DMTF1: variants seen among roughly 807,000 people sequenced by gnomAD.
The protein encoded by DMTF1 is cyclin-D-binding Myb-like transcription factor 1.
Under a neutral mutation model 91.1 loss-of-function variants are expected in DMTF1, and 39 were observed. The ratio of observed to expected loss-of-function variants is 0.43; its 90% confidence interval spans 0.33 to 0.56. The LOEUF (loss-of-function observed/expected upper bound fraction) is 0.56. Ranked by LOEUF, DMTF1 falls within the 20% of genes least tolerant of loss-of-function variation. The probability of loss-of-function intolerance (pLI) is 0.05; values close to 1 mark genes in which losing one functional copy is unlikely to be tolerated. For synonymous variants in DMTF1, 338 were observed against 309.5 expected, an observed-to-expected ratio of 1.09 and a Z score of -0.97; for missense variants, 750 against 914.5, an observed-to-expected ratio of 0.82 and a Z score of 2.32.
intron 1 of DMTF1, among the ~76,000 whole-genome samples, chr7:87,157,585 A>G (rs1346916023): frequency 6.6e-6 from 1 of 152,150 alleles, no homozygotes; most frequent in African/African-American, 2.4e-5. Flanking sequence ...TGATGGAAAT[A>G]CCAGTCTAAG....
In DMTF1 at chr7:87,158,716, A is replaced by G. The variant is rs148657937; in HGVS notation, c.-131-4779A>G. Reference sequence around the variant, plus strand: ...AGTACACATTTAAATTTTAGGTAATAAAAGTCAACTGGAATTTTGTACATT... The same window carrying G: ...AGTACACATTTAAATTTTAGGTAATGAAAGTCAACTGGAATTTTGTACATT... On this transcript the variant is annotated intron_variant, in intron 1 of 17. Transcript: ENST00000331242. 5.8e-3 allele frequency among the ~76,000 whole-genome samples: 889 copies of G among 152,218 alleles called. 5 individuals carry two copies. The highest frequency in any genetic ancestry group is 9.4e-3 in the Non-Finnish European group (636 of 67,926).
intron 13 of DMTF1, among the ~76,000 whole-genome samples, chr7:87,190,601 C>T (rs1254544481): frequency 6.6e-6 from 1 of 152,040 alleles, no homozygotes; most frequent in Non-Finnish European, 1.5e-5. Context: ...TATGGGCCTT[C>T]TGGTGTCTGT....
At chr7:87,194,967 A>G in intron 17 of DMTF1, 64 bp from the exon 18 acceptor site, 1 of 1,494,618 alleles carries the variant, frequency 6.7e-7, no homozygotes, top group Non-Finnish European at 9.2e-7. Context: ...AGAATACCTT[A>G]AATTCTTGAC....
At chr7:87,178,787 T>TTA (rs1440293329) in intron 7 of DMTF1, among the ~76,000 whole-genome samples, 70 of 144,212 alleles carry the variant, frequency 4.9e-4, no homozygotes, top group African/African-American at 1.7e-3. Flanking sequence ...TTTTTTTTTT[T>TTA]AAACTTTTGA....
chr7:87,172,220 C>A (rs182867696), intron 5 of DMTF1, among the ~76,000 whole-genome samples: 2 of 152,188 alleles, frequency 1.3e-5, no homozygotes, highest in East Asian at 1.9e-4. Flanking sequence ...ATATAAGAAG[C>A]CTTAGACACA....
rs936471735 is a variant in DMTF1, at chr7:87,193,236, C to T, written c.1533C>T (p.Tyr511=). The part of the protein sequence containing the change: ...HLQPTGTPGT[Y]LLQTSSSQGL... ...AGCCCACTGGCACTCCAGGCACCTACCTACTTCAAACAAGCTCAAGCCAAG... is the reference window on the plus strand; with the variant it reads ...AGCCCACTGGCACTCCAGGCACCTATCTACTTCAAACAAGCTCAAGCCAAG... Residue 511 remains tyrosine (Y), a synonymous_variant, in exon 15 of 18, where the codon TAC becomes TAT. Coordinates refer to ENST00000331242, the MANE Select transcript of DMTF1 (RefSeq NM_001142327.2). The T allele has an allele frequency of 2.5e-6, 4 of 1,613,446 alleles. No individual in the cohort carries two copies. The highest frequency in any genetic ancestry group is 2.2e-5 in the East Asian group (1 of 44,862).
chr7:87,185,506 A>G (rs1057029959), intron 11 of DMTF1, among the ~76,000 whole-genome samples: 4 of 152,254 alleles, frequency 2.6e-5, no homozygotes, highest in Admixed American at 2.0e-4. Context: ...GAAACATTGC[A>G]TATATACAAC....
rs377353585 is a variant in DMTF1, at chr7:87,184,496, C to A, written c.920C>A (p.Ala307Glu). ...GDIVTQGVSWAAVAERVGTRS... is the reference protein window; with the variant it reads ...GDIVTQGVSWEAVAERVGTRS... ...ATAGTCACACAGGGTGTGTCTTGGG[C>A]AGCTGTGGCTGAACGAGTCGGTACC... The change falls in exon 11 of 18, where the codon GCA becomes GAA. Residue 307 changes from alanine (A) to glutamate (E), a missense_variant. Transcript: ENST00000331242. The A allele has an allele frequency of 6.2e-7, 1 of 1,613,874 alleles. No individual in the cohort carries two copies. The highest frequency in any genetic ancestry group is 8.5e-7 in the Non-Finnish European group (1 of 1,179,958).
chr7:87,188,508 C>T (rs935643535), intron 13 of DMTF1, among the ~76,000 whole-genome samples: 1 of 152,074 alleles, frequency 6.6e-6, no homozygotes, highest in African/African-American at 2.4e-5. Flanking sequence ...GTTGCCCAAC[C>T]ATTATAAACC....
chr7:87,184,360 G>T (rs1460922867), intron 10 of DMTF1, 37 bp from the exon 11 acceptor site: 3 of 1,579,716 alleles, frequency 1.9e-6, no homozygotes, highest in Admixed American at 1.7e-5. Context: ...TGTAAAAGAA[G>T]TTAGCAGTGG....
chr7:87,154,044 CA>C (rs1790037448), intron 1 of DMTF1, among the ~76,000 whole-genome samples: 3 of 152,056 alleles, frequency 2.0e-5, no homozygotes, highest in Non-Finnish European at 2.9e-5. Flanking sequence ...GGCGATACAC[CA>C]AAATCTTATC....
At position 87,184,417 on chromosome 7, in the gene DMTF1, GAA is replaced by G; in HGVS notation, c.844_845del (p.Lys282GlufsTer8). ...TTCAGGGAAGTGGACAGAAGAAGAA[GAA>G]AAGAGACTTGCAGAAGTGGTTCATG... ...CNTGKWTEEE[E>X]KRLAEVVHEL... On this transcript the variant is annotated frameshift_variant, in exon 11 of 18. Transcript: ENST00000331242. LOFTEE classifies it high-confidence loss of function. 6.2e-7 allele frequency: 1 copy of G among 1,613,790 alleles called. No homozygotes were observed. Among genetic ancestry groups the G allele is most frequent in the Non-Finnish European group, 8.5e-7 (1 of 1,179,840 alleles).
At chr7:87,193,133 C>T in intron 14 of DMTF1, 65 bp from the exon 15 acceptor site, 1 of 1,555,844 alleles carries the variant, frequency 6.4e-7, no homozygotes, top group South Asian at 1.1e-5. Flanking sequence ...AAACTAAACT[C>T]AGTCCGTTTT....
chr7:87,184,682 A>AT, intron 11 of DMTF1, 57 bp downstream of exon 11: 1 of 1,476,372 alleles, frequency 6.8e-7, no homozygotes. Flanking sequence ...GGATGTCTTG[A>AT]TAGACTTTCC....
Position 87,182,285 on chromosome 7 carries a change from T to C in DMTF1, c.768T>C (p.Ser256=). 1 of 1,614,114 alleles carries C rather than the reference T, an allele frequency of 6.2e-7. No homozygotes were observed. The change falls in exon 10 of 18, where the codon AGT becomes AGC. Residue 256 remains serine, a synonymous_variant. Coordinates refer to ENST00000331242, the MANE Select transcript of DMTF1 (RefSeq NM_001142327.2). ...CAATAGGGGCGGCGCTAGGAAGAAGTGCATCTTCTGTCAAAGATCGGTGCC... is the reference window on the plus strand; with the variant it reads ...CAATAGGGGCGGCGCTAGGAAGAAGCGCATCTTCTGTCAAAGATCGGTGCC... The part of the protein sequence containing the change: ...WATIGAALGR[S]ASSVKDRCRL...
chr7:87,180,753 G>C (rs1797151550), intron 8 of DMTF1, among the ~76,000 whole-genome samples: 1 of 150,016 alleles, frequency 6.7e-6, no homozygotes, highest in African/African-American at 2.5e-5. Context: ...TGTTTTAAAT[G>C]TTGATTCTTT....
intron 4 of DMTF1, among the ~76,000 whole-genome samples, chr7:87,168,016 G>A (rs1013856960): frequency 3.3e-5 from 5 of 152,162 alleles, no homozygotes; most frequent in East Asian, 1.9e-4. Context: ...CCTTCATGGC[G>A]CTGTTCACTT....
intron 1 of DMTF1, among the ~76,000 whole-genome samples, chr7:87,157,847 T>G (rs79487912): frequency 7.5e-6 from 1 of 133,184 alleles, no homozygotes. Context: ...AGGTTATGTG[T>G]TTTTTTTTTT....
chr7:87,170,562 C>A (rs1047720821), intron 4 of DMTF1, among the ~76,000 whole-genome samples: 10 of 152,182 alleles, frequency 6.6e-5, no homozygotes, highest in Non-Finnish European at 1.5e-4. Flanking sequence ...CCTTGAGATA[C>A]CTGTAAAACT....
Sources: allele counts gnomAD v4.1 joint callset (sites outside exome capture counted in the v4.1 genomes callset), GRCh38; gene constraint gnomAD v4.1.1; transcripts MANE v1.5; gene names NCBI Gene and HGNC (gene_info 2026-07-23, HGNC 2026-07-21).